Variants in DISC1 observed in about 807,000 individuals in gnomAD.
The protein encoded by DISC1 is DISC1 scaffold protein.
In DISC1, 57 loss-of-function variants were observed where a neutral mutation model predicts 84.5. The ratio of observed to expected loss-of-function variants is 0.67; its 90% CI spans 0.55 to 0.84. The LOEUF is 0.84. Among genes scored for constraint, DISC1 ranks in the 40% least tolerant of loss-of-function variants. The pLI, the probability that DISC1 is intolerant of heterozygous loss-of-function variation, is 0.00. For missense variants in DISC1, 1,000 were observed against 1,057.8 expected (o/e 0.95, Z 0.76); for synonymous variants, 411 against 415.2 (o/e 0.99, Z 0.12).
intron 9 of DISC1, among the ~76,000 whole-genome samples, chr1:231,821,225 G>T (rs547750587): frequency 1.2e-4 from 19 of 152,314 alleles, no homozygotes; most frequent in African/African-American, 4.6e-4. Flanking sequence ...TTAGATTGCA[G>T]ATCTGGACCT....
At chr1:231,917,193 G>A (rs201232839) in intron 9 of DISC1, among the ~76,000 whole-genome samples, 16 of 152,142 alleles carry the variant, frequency 1.1e-4, no homozygotes, top group Non-Finnish European at 2.1e-4. Context: ...TCCACTTCCT[G>A]AAGGACTCAT....
At chr1:231,900,640 A>G (rs576681266) in intron 9 of DISC1, among the ~76,000 whole-genome samples, 21 of 152,302 alleles carry the variant, frequency 1.4e-4, no homozygotes, top group African/African-American at 5.1e-4. Context: ...GGCTTGTTTC[A>G]GAAAGCTTTG....
rs541759399 is a variant in DISC1 at position 232,008,657 on chromosome 1, C to T, written c.2043-128C>T. 12 of 1,118,566 alleles carry T rather than the reference C, an allele frequency of 1.1e-5. No homozygotes were observed. In the East Asian group the frequency reaches 3.0e-4, roughly 28 times the overall value. The allele number at this position is 1,118,566 out of a possible 1,614,324, so 69.3% of individuals were successfully genotyped here. A position where few individuals can be genotyped will look rare whatever the true frequency, so the allele number is the denominator to read the frequency against. On this transcript the variant is annotated intron_variant, in intron 10 of 12. Coordinates refer to ENST00000439617, the MANE Select transcript of DISC1 (RefSeq NM_018662.3). Reference sequence around the variant, plus strand: ...GAATCTTCTAGTTGAAATAATTTATCACTGTGAAATTAAGTCATCAAGTAT... The same window carrying T: ...GAATCTTCTAGTTGAAATAATTTATTACTGTGAAATTAAGTCATCAAGTAT...
intron 1 of DISC1, among the ~76,000 whole-genome samples, chr1:231,672,332 C>T (rs1276454030): frequency 6.6e-6 from 1 of 152,168 alleles, no homozygotes; most frequent in Non-Finnish European, 1.5e-5. Context: ...TACTCTCTTT[C>T]TATCTTTTTA....
intron 4 of DISC1, among the ~76,000 whole-genome samples, chr1:231,754,702 G>T (rs1391098963): frequency 6.6e-6 from 1 of 152,178 alleles, no homozygotes; most frequent in African/African-American, 2.4e-5. Context: ...CTAAAAGCCA[G>T]TGTCATGCAT....
At chr1:232,013,781 C>T (rs1668241495) in intron 11 of DISC1, among the ~76,000 whole-genome samples, 1 of 152,120 alleles carries the variant, frequency 6.6e-6, no homozygotes, top group Admixed American at 6.5e-5. Context: ...GGCCGGACTC[C>T]TCTAAATGGA....
At chr1:231,874,102 G>T (rs192504858) in intron 9 of DISC1, among the ~76,000 whole-genome samples, 12 of 151,710 alleles carry the variant, frequency 7.9e-5, no homozygotes, top group African/African-American at 2.9e-4. Flanking sequence ...CCTGCCTGTC[G>T]GCCTCCCAAA....
At chr1:231,886,766 C>CCTTGCTTT (rs1322835316) in intron 9 of DISC1, among the ~76,000 whole-genome samples, 4 of 84,380 alleles carry the variant, frequency 4.7e-5, no homozygotes, top group African/African-American at 1.8e-4. Context: ...TTCCTTCCTT[C>CCTTGCTTT]CTTTCTTTCT....
chr1:231,851,916 G>T (rs1445115777), intron 9 of DISC1, among the ~76,000 whole-genome samples: 1 of 152,200 alleles, frequency 6.6e-6, no homozygotes, highest in Non-Finnish European at 1.5e-5. Flanking sequence ...CAGCTTTGGT[G>T]CACAAGGTGA....
At chr1:232,032,475 A>G (rs976763035) in intron 12 of DISC1, among the ~76,000 whole-genome samples, 2 of 152,210 alleles carry the variant, frequency 1.3e-5, no homozygotes, top group African/African-American at 4.8e-5. Context: ...AACAAGTTAC[A>G]TGCTTACCTA....
At chr1:231,963,997 G>A (rs1004563694) in intron 10 of DISC1, among the ~76,000 whole-genome samples, 5 of 152,148 alleles carry the variant, frequency 3.3e-5, no homozygotes, top group Non-Finnish European at 5.9e-5. Flanking sequence ...GTCAGGGGTC[G>A]ATCTTTAACT....
At chr1:231,823,111 A>G (rs2081615317) in intron 9 of DISC1, among the ~76,000 whole-genome samples, 1 of 152,234 alleles carries the variant, frequency 6.6e-6, no homozygotes, top group South Asian at 2.1e-4. Context: ...AGATGCAGCT[A>G]CTTGCAGAAT....
At chr1:231,878,444 G>T (rs2086048463) in intron 9 of DISC1, among the ~76,000 whole-genome samples, 2 of 152,164 alleles carry the variant, frequency 1.3e-5, no homozygotes, top group Admixed American at 6.5e-5. Context: ...AAGGCCGCAG[G>T]GGGTTGCTGG....
At chr1:231,784,353 G>A (rs2077669893) in intron 6 of DISC1, among the ~76,000 whole-genome samples, 1 of 152,138 alleles carries the variant, frequency 6.6e-6, no homozygotes, top group Admixed American at 6.5e-5. Flanking sequence ...GAATATCAGA[G>A]TGTAGCATCC....
intron 9 of DISC1, among the ~76,000 whole-genome samples, chr1:231,948,818 A>T (rs1657761502): frequency 6.6e-6 from 1 of 150,614 alleles, no homozygotes; most frequent in Admixed American, 6.6e-5. Context: ...GGGCTATTCT[A>T]GATTGAAGCA....
intron 1 of DISC1, among the ~76,000 whole-genome samples, chr1:231,666,865 T>C (rs1400137524): frequency 6.6e-6 from 1 of 152,056 alleles, no homozygotes; most frequent in African/African-American, 2.4e-5. Context: ...GCTGCTGAGG[T>C]GATTAGTAGT....
chr1:231,822,648 C>G (rs181406741), intron 9 of DISC1, among the ~76,000 whole-genome samples: 3 of 152,300 alleles, frequency 2.0e-5, no homozygotes, highest in Admixed American at 2.0e-4. Flanking sequence ...GCATGAGTGT[C>G]TTAGTCCATC....
intron 8 of DISC1, among the ~76,000 whole-genome samples, chr1:231,801,849 C>T (rs529416556): frequency 2.0e-5 from 3 of 148,874 alleles, no homozygotes; most frequent in East Asian, 2.0e-4. Context: ...GTCAGAGTCT[C>T]GTTCAGTCGC....
At chr1:231,979,139 G>C (rs1053414779) in intron 10 of DISC1, among the ~76,000 whole-genome samples, 1 of 151,846 alleles carries the variant, frequency 6.6e-6, no homozygotes, top group South Asian at 2.1e-4. Flanking sequence ...AATGCCTGAC[G>C]ATCTGTCACT....
Sources: allele counts gnomAD v4.1 joint callset (sites outside exome capture counted in the v4.1 genomes callset), GRCh38; gene constraint gnomAD v4.1.1; transcripts MANE v1.5; gene names NCBI Gene and HGNC (gene_info 2026-07-23, HGNC 2026-07-21).